LARGE1: variants seen among roughly 807,000 people sequenced by gnomAD.
The protein encoded by LARGE1 is LARGE xylosyl- and glucuronyltransferase 1.
A neutral mutation model predicts 87.6 loss-of-function variants in LARGE1; 43 were observed. The ratio of observed to expected loss-of-function variants is 0.49; its 90% CI spans 0.38 to 0.63. The LOEUF (loss-of-function observed/expected upper bound fraction) is 0.63, where lower values mean the gene tolerates loss of function less well. LARGE1 is among the 30% of genes least tolerant of loss of function. LARGE1 has a pLI of 0.00. For missense variants in LARGE1, 802 were observed against 1,000.2 expected, an observed-to-expected ratio of 0.80 and a Z score of 2.67; for synonymous variants, 434 against 394.6, an observed-to-expected ratio of 1.10 and a Z score of -1.18.
intron 4 of LARGE1, among the ~76,000 whole-genome samples, chr22:33,622,109 AG>A (rs2079772937): frequency 6.6e-6 from 1 of 152,182 alleles, no homozygotes; most frequent in Admixed American, 6.5e-5. Flanking sequence ...TGTTAGGGAA[AG>A]GGTGCTGATA....
In LARGE1 at chr22:33,692,907, A is replaced by G. The variant is rs554199480; in HGVS notation, c.107-42239T>C. 1.0e-3 allele frequency among the ~76,000 whole-genome samples: 154 copies of G among 152,324 alleles called. 3 individuals carry two copies. In the South Asian group the frequency reaches 0.03, roughly 30 times the overall value. Reference sequence around the variant, plus strand: ...AATCCCATTCCTGAGTATATACCCAAAAGAATAGACATCATTCTATTATAA... The same window carrying G: ...AATCCCATTCCTGAGTATATACCCAGAAGAATAGACATCATTCTATTATAA... On this transcript the variant is annotated intron_variant, in intron 2 of 14. Coordinates refer to ENST00000397394, the MANE Select transcript of LARGE1 (RefSeq NM_133642.5).
At chr22:33,243,087 C>T (rs372742550) in intron 11 of LARGE1, among the ~76,000 whole-genome samples, 1 of 152,278 alleles carries the variant, frequency 6.6e-6, no homozygotes, top group East Asian at 1.9e-4. Context: ...ACTCCATTTA[C>T]AAATAGTCAC....
At chr22:33,586,759 G>C (rs998024840) in intron 5 of LARGE1, among the ~76,000 whole-genome samples, 3 of 152,096 alleles carry the variant, frequency 2.0e-5, no homozygotes, top group African/African-American at 7.2e-5. Context: ...GCCCAGCTGA[G>C]AACAACAAGG....
intron 6 of LARGE1, among the ~76,000 whole-genome samples, chr22:33,472,686 A>AAACCTAGCTATG (rs1416736685): frequency 6.6e-6 from 1 of 152,218 alleles, no homozygotes; most frequent in Non-Finnish European, 1.5e-5. Flanking sequence ...GCAGCTATGT[A>AAACCTAGCTATG]TAAAATCTAA....
At chr22:33,724,686 ACTT>A (rs1481494782) in intron 2 of LARGE1, 1 of 152,232 alleles carries the variant, frequency 6.6e-6, no homozygotes, top group Non-Finnish European at 1.5e-5. Flanking sequence ...AGTCATGGTA[ACTT>A]CTTCTCCCTT....
chr22:33,316,127 T>C lies in LARGE1; in HGVS notation c.1409A>G (p.Asp470Gly). ...AGCGACCAGGGTGACGTCCGTGCTGTCTGCTGCAGGCTCATACTCGTAGTG... is the reference window on the plus strand; with the variant it reads ...AGCGACCAGGGTGACGTCCGTGCTGCCTGCTGCAGGCTCATACTCGTAGTG... ...FLHYEYEPAA[D>G]STDVTLVAQL... The change falls in exon 11 of 15, where the codon GAC becomes GGC. Residue 470 changes from aspartate to glycine, a missense_variant. This residue lies in a region of LARGE1 where 625 missense variants were observed against 841.9 expected (regional missense o/e 0.74). Transcript: ENST00000397394. 1 of 1,614,100 alleles carries C rather than the reference T, an allele frequency of 6.2e-7. No individual in the cohort carries two copies. The highest frequency in any genetic ancestry group is 8.5e-7 in the Non-Finnish European group (1 of 1,179,992).
chr22:33,266,146 T>C (rs1927919164), intron 11 of LARGE1, among the ~76,000 whole-genome samples: 2 of 125,510 alleles, frequency 1.6e-5, no homozygotes, highest in South Asian at 4.9e-4. Context: ...AAGAACTCAA[T>C]AGGGAAAAAA....
intron 2 of LARGE1, among the ~76,000 whole-genome samples, chr22:33,692,648 A>T (rs2082129758): frequency 6.6e-6 from 1 of 152,206 alleles, no homozygotes; most frequent in Non-Finnish European, 1.5e-5. Flanking sequence ...CCTTCTGCTG[A>T]TGCTTAAGGT....
At chr22:33,470,961 GATA>G (rs1408534821) in intron 6 of LARGE1, among the ~76,000 whole-genome samples, 1 of 151,738 alleles carries the variant, frequency 6.6e-6, no homozygotes, top group African/African-American at 2.4e-5. Context: ...GACCATATAT[GATA>G]ATGTTTGTAA....
chr22:33,416,937 T>C (rs1432015664), intron 7 of LARGE1, among the ~76,000 whole-genome samples: 2 of 117,482 alleles, frequency 1.7e-5, no homozygotes, highest in African/African-American at 8.0e-5. Flanking sequence ...AGACAGAGTC[T>C]CGCTGTGTCA....
intron 6 of LARGE1, among the ~76,000 whole-genome samples, chr22:33,509,880 C>T (rs543858919): frequency 2.0e-5 from 3 of 152,264 alleles, no homozygotes; most frequent in South Asian, 2.1e-4. Context: ...GAAAAGTGAG[C>T]GGTGCATGTT....
At chr22:33,915,729 C>T (rs2065767670) in intron 1 of LARGE1, among the ~76,000 whole-genome samples, 1 of 152,182 alleles carries the variant, frequency 6.6e-6, no homozygotes, top group African/African-American at 2.4e-5. Flanking sequence ...TTTGAATACA[C>T]AGAGCAAGAA....
At chr22:33,579,941 A>AT (rs960776075) in intron 5 of LARGE1, among the ~76,000 whole-genome samples, 23 of 152,284 alleles carry the variant, frequency 1.5e-4, no homozygotes, top group African/African-American at 5.1e-4. Context: ...TAGTATACAT[A>AT]TTTTTTAATC....
At chr22:33,285,381 T>A (rs1381281605) in intron 12 of LARGE1, among the ~76,000 whole-genome samples, 1 of 152,146 alleles carries the variant, frequency 6.6e-6, no homozygotes, top group Admixed American at 6.5e-5. Context: ...ATCCCAGCCC[T>A]TCGGGAGGCT....
intron 1 of LARGE1, among the ~76,000 whole-genome samples, chr22:33,824,758 A>G (rs2062732679): frequency 6.6e-6 from 1 of 152,234 alleles, no homozygotes; most frequent in Admixed American, 6.5e-5. Context: ...CATGTAACTC[A>G]TAGGACTATA....
At chr22:33,772,314 C>G (rs561958120) in intron 1 of LARGE1, among the ~76,000 whole-genome samples, 2 of 148,678 alleles carry the variant, frequency 1.3e-5, no homozygotes, top group Non-Finnish European at 3.0e-5. Flanking sequence ...GCCTGGGCAA[C>G]AGAGCGAGAC....
chr22:33,771,931 G>T (rs1025531161), intron 1 of LARGE1, among the ~76,000 whole-genome samples: 1 of 152,116 alleles, frequency 6.6e-6, no homozygotes, highest in East Asian at 1.9e-4. Flanking sequence ...TCCATGCCTC[G>T]CATACATCGT....
chr22:33,478,998 T>G (rs2069196085), intron 6 of LARGE1, among the ~76,000 whole-genome samples: 1 of 152,190 alleles, frequency 6.6e-6, no homozygotes, highest in South Asian at 2.1e-4. Context: ...ACAACAGCTT[T>G]TCCCCCAAGG....
intron 11 of LARGE1, among the ~76,000 whole-genome samples, chr22:33,242,317 C>A (rs1004528070): frequency 2.0e-5 from 3 of 152,040 alleles, no homozygotes; most frequent in South Asian, 4.2e-4. Context: ...TATCCCTTAA[C>A]CAAATTCAAT....
Sources: allele counts gnomAD v4.1 joint callset (sites outside exome capture counted in the v4.1 genomes callset), GRCh38; gene constraint gnomAD v4.1.1; regional missense constraint gnomAD v4.1.1; transcripts MANE v1.5; gene names NCBI Gene and HGNC (gene_info 2026-07-23, HGNC 2026-07-21).